TUSC3: variants seen among roughly 807,000 people sequenced by gnomAD.
The protein encoded by TUSC3 is tumor suppressor candidate 3, also known as dolichyl-diphosphooligosaccharide--protein glycosyltransferase subunit TUSC3.
TUSC3 carries 45 observed loss-of-function variants against 44.8 expected under a neutral mutation model. The observed-to-expected ratio is 1.00, with a 90% confidence interval of 0.79 to 1.29. The LOEUF (loss-of-function observed/expected upper bound fraction) is 1.29, where lower values mean the gene tolerates loss of function less well. Ranked by LOEUF, TUSC3 falls within the 50% of genes most tolerant of loss-of-function variation. The probability of loss-of-function intolerance (pLI) is 0.00; values close to 1 mark genes in which losing one functional copy is unlikely to be tolerated. For missense variants in TUSC3, 519 were observed against 437.9 expected (o/e 1.19, Z -1.65); for synonymous variants, 212 against 152.9 (o/e 1.39, Z -2.85).
chr8:15,655,459 G>C (rs1807114625), intron 3 of TUSC3, among the ~76,000 whole-genome samples: 2 of 152,176 alleles, frequency 1.3e-5, no homozygotes, highest in Admixed American at 1.3e-4. Flanking sequence ...CCCACCCAAA[G>C]GGAAAAATCA....
At chr8:15,461,306 A>T (rs1800341472) in intron 1 of TUSC3, among the ~76,000 whole-genome samples, 1 of 152,010 alleles carries the variant, frequency 6.6e-6, no homozygotes, top group African/African-American at 2.4e-5. Context: ...GCTATTGTAA[A>T]AATGGTTAAG....
At chr8:15,466,313 C>T (rs532238316) in intron 1 of TUSC3, among the ~76,000 whole-genome samples, 1 of 152,132 alleles carries the variant, frequency 6.6e-6, no homozygotes, top group Non-Finnish European at 1.5e-5. Flanking sequence ...TTCTTTGGCA[C>T]TGAAGCAGTT....
chr8:15,833,698 G>A, the TUSC3 span, among the ~76,000 whole-genome samples: 1 of 151,954 alleles, frequency 6.6e-6, no homozygotes, highest in East Asian at 1.9e-4. Flanking sequence ...AAGGTAGAGG[G>A]TGGGAGGAGA....
At chr8:15,424,827 C>G (rs552597423) in intron 1 of TUSC3, among the ~76,000 whole-genome samples, 2 of 151,526 alleles carry the variant, frequency 1.3e-5, no homozygotes, top group Non-Finnish European at 2.9e-5. Context: ...TGCAGTGAGC[C>G]GAGGTAGCAC....
chr8:15,447,558 G>A (rs569772899), intron 1 of TUSC3, among the ~76,000 whole-genome samples: 72 of 151,988 alleles, frequency 4.7e-4, no homozygotes, highest in Non-Finnish European at 8.1e-4. Flanking sequence ...AATGAAAAAA[G>A]CAATAAAAAT....
intron 10 of TUSC3, among the ~76,000 whole-genome samples, chr8:15,764,002 C>T (rs1812254541): frequency 6.6e-6 from 1 of 152,010 alleles, no homozygotes; most frequent in Admixed American, 6.6e-5. Flanking sequence ...CTCACCCTGA[C>T]CCTGTTCCCA....
At chr8:15,543,403 C>G (rs905674451) in intron 1 of TUSC3, among the ~76,000 whole-genome samples, 1 of 152,070 alleles carries the variant, frequency 6.6e-6, no homozygotes, top group Non-Finnish European at 1.5e-5. Context: ...GACAGTAATA[C>G]CACCATGGAT....
intron 1 of TUSC3, among the ~76,000 whole-genome samples, chr8:15,541,377 G>C (rs983689284): frequency 6.6e-6 from 1 of 152,210 alleles, no homozygotes; most frequent in Non-Finnish European, 1.5e-5. Flanking sequence ...TCGGGAATGT[G>C]ACTAGGGTTT....
At chr8:15,757,956 T>C in intron 10 of TUSC3, 101 bp downstream of exon 10, 1 of 1,514,896 alleles carries the variant, frequency 6.6e-7, no homozygotes, top group Admixed American at 2.0e-5. Context: ...AATTACTGTT[T>C]TACAAATGTA....
chr8:15,531,407 G>C (rs1283197786), intron 2 of TUSC3, among the ~76,000 whole-genome samples: 1 of 152,096 alleles, frequency 6.6e-6, no homozygotes, highest in African/African-American at 2.4e-5. Flanking sequence ...ACCCGCCACA[G>C]TGCCTGGCTA....
intron 7 of TUSC3, among the ~76,000 whole-genome samples, chr8:15,733,086 C>G (rs1256666001): frequency 6.6e-6 from 1 of 152,134 alleles, no homozygotes; most frequent in Non-Finnish European, 1.5e-5. Context: ...TTCTGCACAC[C>G]TGCTTTAATA....
Position 15,436,563 on chromosome 8 carries a change from T to A in TUSC3, n.91+19258T>A, listed in dbSNP as rs573594831. On this transcript the variant is annotated intron_variant and non_coding_transcript_variant, in intron 1 of 5. Coordinates refer to the TUSC3 transcript ENST00000503191. ...AGAACAACTAATGTTTCTGAAGTCT[T>A]CATATAAACCGTATGGAGTACAGAG... Among the ~76,000 whole-genome samples the A allele has an allele frequency of 1.1e-4, 17 of 152,340 alleles. 1 individual carries two copies. The South Asian group carries it at 2.1e-3, about 19-fold the overall frequency.
chr8:15,429,024 G>T (rs7838555), intron 1 of TUSC3, among the ~76,000 whole-genome samples: 21,181 of 152,042 alleles, frequency 0.14, 1,566 homozygotes, highest in Middle Eastern at 0.22. Context: ...CTTTGGTGTT[G>T]TAGACATGAA....
chr8:15,502,561 G>A (rs1017047175), intron 2 of TUSC3, among the ~76,000 whole-genome samples: 2 of 152,168 alleles, frequency 1.3e-5, no homozygotes, highest in African/African-American at 2.4e-5. Flanking sequence ...CGCGATCTCC[G>A]CTCACTGCAA....
chr8:15,618,114 G>C (rs1805075538), intron 1 of TUSC3, among the ~76,000 whole-genome samples: 1 of 152,142 alleles, frequency 6.6e-6, no homozygotes, highest in South Asian at 2.1e-4. Context: ...TCCATGAATG[G>C]AGCTTTCAGG....
intron 6 of TUSC3, among the ~76,000 whole-genome samples, chr8:15,716,867 C>T: frequency 6.6e-6 from 1 of 151,608 alleles, no homozygotes; most frequent in South Asian, 2.1e-4. Context: ...TCTTCATACC[C>T]TTTTGAGGAC....
At chr8:15,829,124 G>T in the TUSC3 span, among the ~76,000 whole-genome samples, 1 of 151,288 alleles carries the variant, frequency 6.6e-6, no homozygotes, top group African/African-American at 2.4e-5. Flanking sequence ...ATTCTATGTC[G>T]TTCTATGGTA....
Position 15,540,304 on chromosome 8 carries a change from G to C in TUSC3, c.-127G>C. The stretch of plus-strand genomic sequence containing the variant: ...TCCTCGGCCGCGGCCCGGGTCCCTC[G>C]CAAAGCCGCTGCCATCCCGGAGGGC... On this transcript the variant is annotated 5_prime_UTR_variant, in exon 1 of 11. Transcript: ENST00000503731. 2 of 1,307,806 alleles carry C rather than the reference G, an allele frequency of 1.5e-6. No individual in the cohort carries two copies. The highest frequency in any genetic ancestry group is 7.9e-5 in the Admixed American group (2 of 25,362). 81.0% of individuals were successfully genotyped at this position (1,307,806 alleles called of 1,614,324 possible).
In TUSC3 at chr8:15,577,276, G is replaced by C. The variant is rs1206921027; in HGVS notation, c.138+36708G>C. Reference sequence around the variant, plus strand: ...ATTTTGTAGGTTGCCTGTTCACTCTGATGGTAGTTTCTTTTGCTGTGCAGA... The same window carrying C: ...ATTTTGTAGGTTGCCTGTTCACTCTCATGGTAGTTTCTTTTGCTGTGCAGA... On this transcript the variant is annotated intron_variant, in intron 1 of 10. Coordinates refer to ENST00000503731, the MANE Select transcript of TUSC3 (RefSeq NM_006765.4). 2.0e-5 allele frequency among the ~76,000 whole-genome samples: 3 copies of C among 151,476 alleles called. No homozygotes were observed. The East Asian group carries it at 5.8e-4, about 29-fold the overall frequency.
Sources: gnomAD v4.1 joint callset for allele counts (sites outside exome capture counted in the v4.1 genomes callset) on GRCh38, gnomAD v4.1.1 for gene constraint, MANE v1.5 for transcripts, NCBI Gene and HGNC (gene_info 2026-07-23, HGNC 2026-07-21) for gene names.